The following BTBD10 variants were observed in gnomAD, a reference collection of about 807,000 sequenced individuals.
The protein encoded by BTBD10 is BTB domain containing 10.
Under a neutral mutation model 53.2 loss-of-function variants are expected in BTBD10, and 21 were observed. The observed-to-expected ratio is 0.39, with a 90% CI of 0.28 to 0.57. The LOEUF (loss-of-function observed/expected upper bound fraction) is 0.57. BTBD10 is among the 20% of genes least tolerant of loss of function. The pLI is 0.53. For synonymous variants in BTBD10, 149 were observed against 192.7 expected, an observed-to-expected ratio of 0.77 and a Z score of 1.88; for missense variants, 360 against 594.7, an observed-to-expected ratio of 0.61 and a Z score of 4.10.
intron 2 of BTBD10, among the ~76,000 whole-genome samples, chr11:13,430,236 A>C (rs1248125581): frequency 6.6e-6 from 1 of 152,242 alleles, no homozygotes; most frequent in Non-Finnish European, 1.5e-5. Context: ...TAATGGGTAA[A>C]AAATTTGAGA....
At chr11:13,416,462 G>C (rs1273547872) in intron 5 of BTBD10, among the ~76,000 whole-genome samples, 1 of 152,120 alleles carries the variant, frequency 6.6e-6, no homozygotes, top group Non-Finnish European at 1.5e-5. Flanking sequence ...CACACTGCTA[G>C]TTATGTGCAA....
At position 13,440,045 on chromosome 11, in the gene BTBD10, T is replaced by C. The variant is rs928982813; in HGVS notation, c.101+4979A>G. On this transcript the variant is annotated intron_variant, in intron 2 of 8. Transcript: ENST00000278174. ...TTTAGCACATCTGATATTTCCATCATCTTCAAGATTCCTCTGAACAATCAG... is the reference window on the plus strand; with the variant it reads ...TTTAGCACATCTGATATTTCCATCACCTTCAAGATTCCTCTGAACAATCAG... 2.6e-6 allele frequency: 4 copies of C among 1,531,544 alleles called. No individual in the cohort carries two copies. In the Middle Eastern group the frequency reaches 5.0e-4, roughly 192 times the overall value. 94.9% of individuals were successfully genotyped at this position (1,531,544 alleles called of 1,614,324 possible).
At chr11:13,457,868 T>C (rs1951004507) in intron 1 of BTBD10, among the ~76,000 whole-genome samples, 1 of 152,216 alleles carries the variant, frequency 6.6e-6, no homozygotes, top group African/African-American at 2.4e-5. Flanking sequence ...TATGGTACCA[T>C]TTTCTTCTTT....
At chr11:13,422,410 G>A (rs948451557) in intron 2 of BTBD10, among the ~76,000 whole-genome samples, 13 of 152,134 alleles carry the variant, frequency 8.5e-5, no homozygotes, top group African/African-American at 3.1e-4. Flanking sequence ...CGCTTTGGGA[G>A]GCCAATGCGG....
At chr11:13,437,251 A>C (rs1950560505) in intron 2 of BTBD10, among the ~76,000 whole-genome samples, 2 of 152,250 alleles carry the variant, frequency 1.3e-5, no homozygotes, top group African/African-American at 4.8e-5. Flanking sequence ...GGTGAGGAAG[A>C]AGATGGGAAG....
chr11:13,388,881 G>T lies in BTBD10; in HGVS notation c.1378C>A (p.Pro460Thr). ...GGATCGAGGTCACTGTTGCCAGAAG[G>T]GGGATGGATAGGGAGAATATCCAGC... ...DELDILPIHP[P>T]SGNSDLDPDA... is the part of the protein sequence containing the mutation. Residue 460 changes from proline (P) to threonine (T), a missense_variant, in exon 9 of 9, where the codon CCT (proline) becomes ACT (threonine). Pro to Thr is a conservative substitution (Grantham distance 38). Around this residue, in one of 6 missense-constraint regions of BTBD10, gnomAD observed 25 missense variants for 24.9 expected, o/e 1.00. Coordinates refer to ENST00000278174, the MANE Select transcript of BTBD10 (RefSeq NM_032320.7). The T allele has an allele frequency of 6.2e-7, 1 of 1,614,116 alleles. No individual in the cohort carries two copies. The highest frequency in any genetic ancestry group is 8.5e-7 in the Non-Finnish European group (1 of 1,179,970).
At chr11:13,399,578 C>T (rs183368569) in intron 8 of BTBD10, among the ~76,000 whole-genome samples, 80 of 152,252 alleles carry the variant, frequency 5.3e-4, no homozygotes, top group African/African-American at 1.7e-3. Context: ...AGCTTTGTTC[C>T]GTTGCTGGTG....
At chr11:13,436,790 GTT>G (rs11354653) in intron 2 of BTBD10, among the ~76,000 whole-genome samples, 1 of 151,198 alleles carries the variant, frequency 6.6e-6, no homozygotes, top group Non-Finnish European at 1.5e-5. Flanking sequence ...AGATTTCTCT[GTT>G]TTTTTTTGAG....
chr11:13,400,543 C>A (rs1026005221), intron 8 of BTBD10, among the ~76,000 whole-genome samples: 2 of 150,276 alleles, frequency 1.3e-5, no homozygotes, highest in African/African-American at 5.0e-5. Context: ...CGGTGCGCTG[C>A]ACCCACTGTC....
At chr11:13,426,366 A>G (rs533984054) in intron 2 of BTBD10, among the ~76,000 whole-genome samples, 2 of 152,286 alleles carry the variant, frequency 1.3e-5, no homozygotes, top group African/African-American at 4.8e-5. Flanking sequence ...AGAAAAGTTA[A>G]AAGGGAGTCC....
chr11:13,429,442 C>A (rs1436531493), intron 2 of BTBD10, among the ~76,000 whole-genome samples: 1 of 152,026 alleles, frequency 6.6e-6, no homozygotes, highest in East Asian at 1.9e-4. Flanking sequence ...TAATGACAGG[C>A]ACATAGATCA....
chr11:13,399,362 G>A (rs903932795), intron 8 of BTBD10, among the ~76,000 whole-genome samples: 2 of 151,992 alleles, frequency 1.3e-5, no homozygotes, highest in Non-Finnish European at 2.9e-5. Context: ...TTGTGCATTC[G>A]TCACGTAGTT....
Position 13,430,303 on chromosome 11 carries a change from G to C in BTBD10, c.102-8465C>G, listed in dbSNP as rs556764443. ...TAGCGTCACTTGTCATTAAAGAAAT[G>C]CAAATTAAAATGACACTGTTACATC... On this transcript the variant is annotated intron_variant, in intron 2 of 8. Coordinates refer to ENST00000278174, the MANE Select transcript of BTBD10 (RefSeq NM_032320.7). Among the ~76,000 whole-genome samples, 93 of 152,170 alleles carry C rather than the reference G, an allele frequency of 6.1e-4. 3 individuals are homozygous for C. The South Asian group carries it at 0.019, about 32-fold the overall frequency.
At chr11:13,446,069 C>T (rs1030305136) in intron 1 of BTBD10, among the ~76,000 whole-genome samples, 5 of 152,092 alleles carry the variant, frequency 3.3e-5, no homozygotes, top group African/African-American at 1.2e-4. Flanking sequence ...TCGAAAAATG[C>T]TGAGACTAAA....
At chr11:13,419,789 C>A (rs1400595044) in intron 3 of BTBD10, 44 bp from the exon 4 acceptor site, 9 of 1,425,456 alleles carry the variant, frequency 6.3e-6, no homozygotes, top group Non-Finnish European at 7.7e-6. Context: ...TTTTCTTTTA[C>A]AAATTCAAGA....
intron 8 of BTBD10, among the ~76,000 whole-genome samples, chr11:13,399,272 C>G (rs1949644848): frequency 6.6e-6 from 1 of 152,140 alleles, no homozygotes; most frequent in Non-Finnish European, 1.5e-5. Context: ...CTCTAAACTT[C>G]TCTTCACGCT....
intron 8 of BTBD10, among the ~76,000 whole-genome samples, chr11:13,394,478 C>T (rs192849766): frequency 2.6e-5 from 4 of 152,224 alleles, no homozygotes; most frequent in Admixed American, 6.5e-5. Context: ...GTTAAGCCTG[C>T]GGAATTGTGC....
At chr11:13,406,811 T>C (rs1949843436) in intron 6 of BTBD10, among the ~76,000 whole-genome samples, 1 of 151,690 alleles carries the variant, frequency 6.6e-6, no homozygotes, top group African/African-American at 2.4e-5. Flanking sequence ...ATTAATATAA[T>C]TGATTAGATA....
intron 2 of BTBD10, among the ~76,000 whole-genome samples, chr11:13,426,657 G>C (rs1950344979): frequency 6.6e-6 from 1 of 152,014 alleles, no homozygotes; most frequent in Admixed American, 6.6e-5. Context: ...GGTATACTGT[G>C]ATAAGTTAAA....
Sources: gnomAD v4.1 joint callset for allele counts (sites outside exome capture counted in the v4.1 genomes callset) on GRCh38, gnomAD v4.1.1 for gene constraint, gnomAD v4.1.1 regional missense constraint, MANE v1.5 for transcripts, NCBI Gene and HGNC (gene_info 2026-07-23, HGNC 2026-07-21) for gene names.